Variants in PCDHGA10 observed in about 807,000 individuals in gnomAD.
The protein encoded by PCDHGA10 is protocadherin gamma-A10.
In PCDHGA10, 42 loss-of-function variants were observed where a neutral mutation model predicts 59.5. That is an observed-to-expected ratio of 0.71 (90% CI 0.55 to 0.91). PCDHGA10 has a LOEUF of 0.91. PCDHGA10 is among the 40% of genes least tolerant of loss of function. The pLI is 0.00. For missense variants in PCDHGA10, 1,111 were observed against 1,198.2 expected (o/e 0.93, Z 1.07); for synonymous variants, 511 against 517.2 (o/e 0.99, Z 0.16).
intron 1 of PCDHGA10, chr5:141,421,325 G>A: frequency 6.2e-7 from 1 of 1,613,906 alleles, no homozygotes; most frequent in Non-Finnish European, 8.5e-7. Context: ...AGGCAGATCC[G>A]ATATTCGGTG....
At chr5:141,497,499 C>G (rs1217418941) in intron 2 of PCDHGA10, among the ~76,000 whole-genome samples, 3 of 151,416 alleles carry the variant, frequency 2.0e-5, no homozygotes, top group Non-Finnish European at 4.4e-5. Context: ...TCTCTCTCCT[C>G]TCTCTGCTTC....
intron 1 of PCDHGA10, chr5:141,423,202 G>T: frequency 6.2e-7 from 1 of 1,613,618 alleles, no homozygotes; most frequent in Non-Finnish European, 8.5e-7. Flanking sequence ...CTCGGCCACC[G>T]TCACGCTCAC....
chr5:141,444,194 G>A (rs1209269773), intron 1 of PCDHGA10, among the ~76,000 whole-genome samples: 1 of 67,352 alleles, frequency 1.5e-5, no homozygotes, highest in Non-Finnish European at 2.7e-5. Flanking sequence ...TTTTTGAGAT[G>A]GAGTTTCACT....
Position 141,487,910 on chromosome 5 carries a change from C to T in PCDHGA10, c.2437-6897C>T, listed in dbSNP as rs2099668803. The T allele has an allele frequency of 3.0e-6, 2 of 661,468 alleles. No individual in the cohort carries two copies. Among genetic ancestry groups the T allele is most frequent in the Non-Finnish European group, 5.1e-6 (2 of 388,904 alleles). The allele number at this position is 661,468 out of a possible 1,614,324, so 41.0% of individuals were successfully genotyped here. ...AGCATGATGATGGAATGTGGGAGCA[C>T]AGGAGGCTACAGTGCACAGGGTACA... On this transcript the variant is annotated intron_variant, in intron 1 of 3. Transcript: ENST00000398610. The surrounding 1 kb of genome is among the most constrained non-coding windows in gnomAD (Gnocchi z 5.0).
chr5:141,492,934 G>A (rs1382515835), intron 1 of PCDHGA10, among the ~76,000 whole-genome samples: 7 of 152,236 alleles, frequency 4.6e-5, no homozygotes, highest in Admixed American at 4.6e-4. Flanking sequence ...TAGGGTCAGA[G>A]ATTTGGAGGT....
At chr5:141,423,265 G>C in intron 1 of PCDHGA10, 1 of 1,613,666 alleles carries the variant, frequency 6.2e-7, no homozygotes, top group Non-Finnish European at 8.5e-7. Flanking sequence ...CGGCAGCCTC[G>C]AGTCTCTGGC....
intron 1 of PCDHGA10, among the ~76,000 whole-genome samples, chr5:141,464,251 C>T (rs1438610569): frequency 1.4e-5 from 2 of 141,396 alleles, no homozygotes; most frequent in Admixed American, 7.5e-5. Flanking sequence ...GGCTACAGAG[C>T]GAGACTCCGT....
intron 2 of PCDHGA10, among the ~76,000 whole-genome samples, chr5:141,500,329 C>G (rs1384834356): frequency 6.6e-6 from 1 of 151,986 alleles, no homozygotes; most frequent in Non-Finnish European, 1.5e-5. Flanking sequence ...CTGCCTCAGC[C>G]TCCAGAATAG....
chr5:141,459,300 A>T (rs954766370), intron 1 of PCDHGA10, among the ~76,000 whole-genome samples: 1 of 152,202 alleles, frequency 6.6e-6, no homozygotes, highest in Non-Finnish European at 1.5e-5. Flanking sequence ...ATCCTATAAC[A>T]TATACTATTT....
In PCDHGA10 at chr5:141,511,999, C is replaced by G. The variant is rs1049440139; in HGVS notation, c.*826C>G. ...GTGGATGGTGGGGGCATGGACAAAG[C>G]TTGACACATCAAGTTATCAAGGCCT... is the stretch of plus-strand genomic sequence containing the variant. On this transcript the variant is annotated 3_prime_UTR_variant, in exon 4 of 4. Coordinates refer to ENST00000398610, the MANE Select transcript of PCDHGA10 (RefSeq NM_018913.3). 6.5e-6 allele frequency: 1 copy of G among 153,016 alleles called. No individual in the cohort carries two copies. Among genetic ancestry groups the G allele is most frequent in the Non-Finnish European group, 1.5e-5 (1 of 68,392 alleles). The allele number at this position is 153,016 out of a possible 1,614,324, so 9.5% of individuals were successfully genotyped here. A position where few individuals can be genotyped will look rare whatever the true frequency, so the allele number is the denominator to read the frequency against.
At chr5:141,421,535 G>GT (rs975619932) in intron 1 of PCDHGA10, 8 of 1,614,032 alleles carry the variant, frequency 5.0e-6, no homozygotes, top group Non-Finnish European at 6.8e-6. Flanking sequence ...GTGTCCTCCT[G>GT]TTTTTTAAAT....
rs2095932484 is a variant in PCDHGA10, at chr5:141,415,751, T to TG, written c.2436+140_2436+141insG. 3.8e-6 allele frequency: 5 copies of TG among 1,328,726 alleles called. No homozygotes were observed. The African/African-American group carries it at 9.4e-5, about 25-fold the overall frequency. The allele number at this position is 1,328,726 out of a possible 1,614,324, so 82.3% of individuals were successfully genotyped here. On this transcript the variant is annotated intron_variant, in intron 1 of 3. Transcript: ENST00000398610. ...TGATGTTTATTAAGGTTTTTTTTTT[T>TG]TTTTTTTTTTTTTTTTTTTTTACTT... is the stretch of plus-strand genomic sequence containing the variant.
intron 3 of PCDHGA10, among the ~76,000 whole-genome samples, chr5:141,509,419 T>C (rs2154594533): frequency 6.6e-6 from 1 of 152,216 alleles, no homozygotes; most frequent in South Asian, 2.1e-4. Flanking sequence ...CGAGCCCCAA[T>C]GAGTCAAACT....
chr5:141,502,250 TA>T (rs2099813542), intron 2 of PCDHGA10, among the ~76,000 whole-genome samples: 1 of 152,242 alleles, frequency 6.6e-6, no homozygotes, highest in African/African-American at 2.4e-5. Flanking sequence ...TCCTTTTTTT[TA>T]ATCCAGGATT....
At position 141,491,587 on chromosome 5, in the gene PCDHGA10, G is replaced by A. The variant is rs1177701526; in HGVS notation, c.2437-3220G>A. 1.2e-6 allele frequency: 2 copies of A among 1,613,834 alleles called. No individual in the cohort carries two copies. Among genetic ancestry groups the A allele is most frequent in the African/African-American group, 2.7e-5 (2 of 74,926 alleles). On this transcript the variant is annotated intron_variant, in intron 1 of 3. Coordinates refer to ENST00000398610, the MANE Select transcript of PCDHGA10 (RefSeq NM_018913.3). The surrounding 1 kb of genome is among the most constrained non-coding windows in gnomAD (Gnocchi z 6.9). ...CAGGACGTGCTTTTCACCGGCCTCG[G>A]ACGGCAGTGACTTCACTTTTCTAAG...
Position 141,415,342 on chromosome 5 carries a change from T to C in PCDHGA10, c.2167T>C (p.Trp723Arg), listed in dbSNP as rs1305683222. Residue 723 changes from tryptophan to arginine, a missense_variant, in exon 1 of 4, where the codon TGG becomes CGG. Transcript: ENST00000398610. ...IVLLAHRLRR[W>R]HKSRLLQASG... ...GCTGCTGGCGCACAGGCTGCGGCGCTGGCACAAGTCACGCCTGCTGCAGGC... is the reference window on the plus strand; with the variant it reads ...GCTGCTGGCGCACAGGCTGCGGCGCCGGCACAAGTCACGCCTGCTGCAGGC... 2 of 1,614,108 alleles carry C rather than the reference T, an allele frequency of 1.2e-6. No individual in the cohort carries two copies. The highest frequency in any genetic ancestry group is 2.7e-5 in the African/African-American group (2 of 74,952).
At chr5:141,495,463 G>T (rs1562169154) in intron 2 of PCDHGA10, among the ~76,000 whole-genome samples, 1 of 152,114 alleles carries the variant, frequency 6.6e-6, no homozygotes, top group Non-Finnish European at 1.5e-5. Context: ...TCTGTCTGTG[G>T]GGTCTCCGTG....
In PCDHGA10 at chr5:141,491,091, A is replaced by T; in HGVS notation, c.2437-3716A>T. ...TGTTGCCACAGTCCACAGCCCCAGG[A>T]CTGTTCCTCGTGTCTACACACACTG... On this transcript the variant is annotated intron_variant, in intron 1 of 3. Transcript: ENST00000398610. This position sits in a 1 kb window ranked among gnomAD's most constrained non-coding sequence, Gnocchi z 6.9. The T allele has an allele frequency of 6.2e-7, 1 of 1,614,032 alleles. No individual in the cohort carries two copies. Among genetic ancestry groups the T allele is most frequent in the Non-Finnish European group, 8.5e-7 (1 of 1,180,000 alleles).
chr5:141,498,976 G>A (rs1311505059), intron 2 of PCDHGA10, among the ~76,000 whole-genome samples: 1 of 13,010 alleles, frequency 7.7e-5, no homozygotes, highest in Non-Finnish European at 2.3e-4. Context: ...AGGGAGGGAA[G>A]GAAGGAAGGA....
Sources: allele counts gnomAD v4.1 joint callset (sites outside exome capture counted in the v4.1 genomes callset), GRCh38; gene constraint gnomAD v4.1.1; non-coding constraint Gnocchi (gnomAD v3.1); transcripts MANE v1.5; gene names NCBI Gene and HGNC (gene_info 2026-07-23, HGNC 2026-07-21).